The following ANKS1B variants were observed in gnomAD, a reference collection of about 807,000 sequenced individuals.
ANKS1B encodes ankyrin repeat and sterile alpha motif domain containing 1B, also known as ankyrin repeat and sterile alpha motif domain-containing protein 1B.
A neutral mutation model predicts 148.3 loss-of-function variants in ANKS1B; 36 were observed. The observed-to-expected ratio is 0.24, with a 90% CI of 0.19 to 0.32. The LOEUF (loss-of-function observed/expected upper bound fraction) is 0.32. Among genes scored for constraint, ANKS1B ranks in the 10% least tolerant of loss-of-function variants. The probability of loss-of-function intolerance (pLI) is 1.00; values close to 1 mark genes in which losing one functional copy is unlikely to be tolerated. For missense variants in ANKS1B, 1,157 were observed against 1,542.6 expected (o/e 0.75, Z 4.19); for synonymous variants, 542 against 560.8 (o/e 0.97, Z 0.47).
Position 99,333,854 on chromosome 12 carries a change from G to GTTTTTTTTTTTTTTTTTTTTT in ANKS1B, c.1756+65756_1756+65776dup, listed in dbSNP as rs10526476. 4.3e-4 allele frequency among the ~76,000 whole-genome samples: 46 copies of GTTTTTTTTTTTTTTTTTTTTT among 107,442 alleles called. 1 individual carries two copies. Among genetic ancestry groups the GTTTTTTTTTTTTTTTTTTTTT allele is most frequent in the Middle Eastern group, 5.2e-3 (1 of 192 alleles). 70.5% of individuals were successfully genotyped at this position (107,442 alleles called of 152,430 possible). ...ATCAAAGTCACATTTCCAGTTCTCA[G>GTTTTTTTTTTTTTTTTTTTTT]TTTTTTTTTTTTTTTTTTTTTAACA... On this transcript the variant is annotated intron_variant, in intron 12 of 26. Transcript: ENST00000683438.
chr12:98,781,632 C>A (rs906025314), intron 23 of ANKS1B: 18 of 359,578 alleles, frequency 5.0e-5, no homozygotes, highest in African/African-American at 1.9e-4. Flanking sequence ...ATGCACCCCC[C>A]CTTTTCCTAG....
chr12:98,852,065 A>G (rs988041644), intron 17 of ANKS1B, among the ~76,000 whole-genome samples: 1 of 146,908 alleles, frequency 6.8e-6, no homozygotes. Context: ...GGAAAGGATG[A>G]TGATGGCAGA....
intron 12 of ANKS1B, among the ~76,000 whole-genome samples, chr12:99,384,566 T>C (rs1258743583): frequency 6.6e-6 from 1 of 152,108 alleles, no homozygotes; most frequent in Non-Finnish European, 1.5e-5. Context: ...ATTTCTGTGA[T>C]TCCAAAGGCT....
At chr12:99,307,077 T>G (rs900407716) in intron 12 of ANKS1B, among the ~76,000 whole-genome samples, 2 of 152,132 alleles carry the variant, frequency 1.3e-5, no homozygotes, top group Non-Finnish European at 2.9e-5. Flanking sequence ...TTAAAATGCA[T>G]GAATTCAAAA....
intron 9 of ANKS1B, among the ~76,000 whole-genome samples, chr12:99,537,512 A>G (rs186024183): frequency 2.3e-4 from 35 of 152,282 alleles, no homozygotes; most frequent in Admixed American, 2.0e-3. Flanking sequence ...CCAATGATCA[A>G]TGATGTTGAA....
At chr12:98,968,504 G>A (rs1163330157) in intron 17 of ANKS1B, among the ~76,000 whole-genome samples, 1 of 152,174 alleles carries the variant, frequency 6.6e-6, no homozygotes, top group African/African-American at 2.4e-5. Context: ...AGGAAGGCAG[G>A]CAGGGTAAAA....
intron 14 of ANKS1B, among the ~76,000 whole-genome samples, chr12:99,236,797 C>T (rs1242114053): frequency 6.6e-6 from 1 of 152,152 alleles, no homozygotes; most frequent in Non-Finnish European, 1.5e-5. Context: ...ATATCCTTTG[C>T]AGGGACATGG....
chr12:99,320,802 G>GTGCTC (rs2085116193), intron 12 of ANKS1B, among the ~76,000 whole-genome samples: 1 of 152,154 alleles, frequency 6.6e-6, no homozygotes, highest in African/African-American at 2.4e-5. Context: ...TTCAACTTTT[G>GTGCTC]TGCTCTGGTT....
At chr12:98,966,218 C>A (rs1292312500) in intron 17 of ANKS1B, among the ~76,000 whole-genome samples, 1 of 152,000 alleles carries the variant, frequency 6.6e-6, no homozygotes, top group East Asian at 1.9e-4. Flanking sequence ...AACAAACAAC[C>A]CCATCAAAAA....
intron 1 of ANKS1B, among the ~76,000 whole-genome samples, chr12:99,840,681 G>C (rs2085585451): frequency 6.6e-6 from 1 of 152,106 alleles, no homozygotes. Flanking sequence ...TCTGTCATGA[G>C]CAACTAGAAA....
At chr12:99,154,554 G>A in intron 14 of ANKS1B, 159 bp from the exon 15 acceptor site, 2 of 1,559,094 alleles carry the variant, frequency 1.3e-6, no homozygotes, top group Non-Finnish European at 1.7e-6. Flanking sequence ...TTCTCAGCGA[G>A]AGAGCAAAGT....
At chr12:99,624,685 A>C (rs1193025079) in intron 9 of ANKS1B, among the ~76,000 whole-genome samples, 1 of 152,164 alleles carries the variant, frequency 6.6e-6, no homozygotes, top group East Asian at 1.9e-4. Flanking sequence ...AATGCAAATC[A>C]AAACCACAAT....
rs2059718722 is a variant in ANKS1B at position 99,737,481 on chromosome 12, A to T, written c.1128+35441T>A. 2.0e-5 allele frequency among the ~76,000 whole-genome samples: 3 copies of T among 152,144 alleles called. No homozygotes were observed. The South Asian group carries it at 6.2e-4, about 31-fold the overall frequency. On this transcript the variant is annotated intron_variant, in intron 8 of 26. Transcript: ENST00000683438. Reference sequence around the variant, plus strand: ...ATTTTCTCACTCATATGTAGGAGGTAGGAAATGCAAACTTAATCAAGTAAT... The same window carrying T: ...ATTTTCTCACTCATATGTAGGAGGTTGGAAATGCAAACTTAATCAAGTAAT...
chr12:99,126,765 T>C (rs557918565), intron 15 of ANKS1B, among the ~76,000 whole-genome samples: 41 of 152,344 alleles, frequency 2.7e-4, no homozygotes, highest in African/African-American at 9.9e-4. Flanking sequence ...AAATGATCTG[T>C]GCCTTGATTT....
intron 17 of ANKS1B, among the ~76,000 whole-genome samples, chr12:98,993,257 T>G (rs1298782117): frequency 6.6e-6 from 1 of 152,170 alleles, no homozygotes; most frequent in Admixed American, 6.5e-5. Flanking sequence ...AACCTCCACC[T>G]CCCAGGTTCC....
At chr12:99,018,065 T>C (rs1218191932) in intron 17 of ANKS1B, among the ~76,000 whole-genome samples, 1 of 152,208 alleles carries the variant, frequency 6.6e-6, no homozygotes, top group Admixed American at 6.5e-5. Context: ...CCTTGATGAC[T>C]GAGATTTATG....
At chr12:99,178,024 C>G (rs2078617034) in intron 14 of ANKS1B, among the ~76,000 whole-genome samples, 1 of 152,170 alleles carries the variant, frequency 6.6e-6, no homozygotes, top group South Asian at 2.1e-4. Context: ...TTGAGATATT[C>G]CATTTTGGCT....
At chr12:99,953,040 A>G (rs1319605337) in intron 1 of ANKS1B, among the ~76,000 whole-genome samples, 1 of 152,350 alleles carries the variant, frequency 6.6e-6, no homozygotes, top group Non-Finnish European at 1.5e-5. Flanking sequence ...ACACAGGTGA[A>G]GCTCAAGATA....
intron 9 of ANKS1B, among the ~76,000 whole-genome samples, chr12:99,532,016 A>G (rs751793746): frequency 6.7e-6 from 1 of 148,660 alleles, no homozygotes; most frequent in African/African-American, 2.5e-5. Flanking sequence ...ATCTGTTCAT[A>G]TTGCTTGTCT....
Sources: allele counts gnomAD v4.1 joint callset (sites outside exome capture counted in the v4.1 genomes callset), GRCh38; gene constraint gnomAD v4.1.1; transcripts MANE v1.5; gene names NCBI Gene and HGNC (gene_info 2026-07-23, HGNC 2026-07-21).